The following DNAH2 variants were observed in gnomAD, a reference collection of about 807,000 sequenced individuals.
The protein encoded by DNAH2 is dynein axonemal heavy chain 2, also known as axonemal beta dynein heavy chain 2.
DNAH2 carries 323 observed loss-of-function variants against 523.5 expected under a neutral mutation model. The observed-to-expected ratio is 0.62, with a 90% CI of 0.56 to 0.68. The LOEUF is 0.68. Among genes scored for constraint, DNAH2 ranks in the 30% least tolerant of loss-of-function variants. The pLI, the probability that DNAH2 is intolerant of heterozygous loss-of-function variation, is 0.00. For missense variants in DNAH2, 4,907 were observed against 5,701.5 expected (o/e 0.86, Z 4.49); for synonymous variants, 2,093 against 2,177.4 (o/e 0.96, Z 1.08).
rs1448211323 is a variant in DNAH2 at position 7,780,834 on chromosome 17, T to C, written c.6003+52T>C. Reference sequence around the variant, plus strand: ...CTGACTTCCACTGTCACTGGACCTATGTCACTTCTCTCAAGTCTTTCAGAC... The same window carrying C: ...CTGACTTCCACTGTCACTGGACCTACGTCACTTCTCTCAAGTCTTTCAGAC... On this transcript the variant is annotated intron_variant, in intron 38 of 85. Transcript: ENST00000572933. This position sits in a 1 kb window ranked among gnomAD's most constrained non-coding sequence, Gnocchi z 4.4. The C allele has an allele frequency of 1.9e-6, 3 of 1,610,992 alleles. No homozygotes were observed. Among genetic ancestry groups the C allele is most frequent in the Non-Finnish European group, 1.7e-6 (2 of 1,178,056 alleles).
chr17:7,830,927 G>T, intron 79 of DNAH2, 85 bp downstream of exon 79: 1 of 1,562,048 alleles, frequency 6.4e-7, no homozygotes, highest in African/African-American at 1.3e-5. Flanking sequence ...AATGTTTGAG[G>T]AGAGGACGTG....
chr17:7,816,753 A>G lies in DNAH2; in HGVS notation c.9894+18A>G, dbSNP rs761907232. The G allele has an allele frequency of 6.2e-6, 10 of 1,610,988 alleles. No individual in the cohort carries two copies. The highest frequency in any genetic ancestry group is 8.5e-6 in the Non-Finnish European group (10 of 1,178,730). ...CAGTCCAGGTGAGATCAGCTGTACT[A>G]CCTGGTGTCCTTTCACTCTGCTCGC... On this transcript the variant is annotated intron_variant, in intron 64 of 85. Coordinates refer to ENST00000572933, the MANE Select transcript of DNAH2 (RefSeq NM_020877.5).
In DNAH2 at chr17:7,751,133, T is replaced by C. The variant is rs969928121; in HGVS notation, c.1905-5958T>C. 1.2e-4 allele frequency among the ~76,000 whole-genome samples: 18 copies of C among 151,872 alleles called. No individual in the cohort carries two copies. In the East Asian group the frequency reaches 3.3e-3, roughly 28 times the overall value. On this transcript the variant is annotated intron_variant, in intron 12 of 85. Coordinates refer to ENST00000572933, the MANE Select transcript of DNAH2 (RefSeq NM_020877.5). Reference sequence around the variant, plus strand: ...AAAATCAAGTTATTTATTTATTTATTTATTTATTTATTTATTCATTTTTTT... The same window carrying C: ...AAAATCAAGTTATTTATTTATTTATCTATTTATTTATTTATTCATTTTTTT...
chr17:7,809,802 C>T (rs931618041), intron 63 of DNAH2, among the ~76,000 whole-genome samples: 6 of 150,440 alleles, frequency 4.0e-5, no homozygotes, highest in South Asian at 4.2e-4. Context: ...TCCTTTTTTA[C>T]GGACAAAGCC....
chr17:7,742,769 T>G (rs1321898911), intron 11 of DNAH2, among the ~76,000 whole-genome samples, 159 bp from the exon 12 acceptor site: 1 of 152,252 alleles, frequency 6.6e-6, no homozygotes. Flanking sequence ...TGACTCTACC[T>G]TCCTTCTAAG....
intron 12 of DNAH2, among the ~76,000 whole-genome samples, chr17:7,749,066 T>C (rs1180824773): frequency 6.6e-6 from 1 of 150,890 alleles, no homozygotes; most frequent in Non-Finnish European, 1.5e-5. Flanking sequence ...CCCAGCACTT[T>C]GGGAGGCCGA....
chr17:7,831,093 G>A lies in DNAH2; in HGVS notation c.12238G>A (p.Ala4080Thr). The A allele has an allele frequency of 6.2e-7, 1 of 1,613,156 alleles. No individual in the cohort carries two copies. The highest frequency in any genetic ancestry group is 1.1e-5 in the South Asian group (1 of 91,082). ...SLSTPFHRLS[A>T]LETYFIPKDG... ...TATGCTATGACTCCCTAGGTTGTCAGCACTGGAGACTTATTTCATCCCCAA... is the reference window on the plus strand; with the variant it reads ...TATGCTATGACTCCCTAGGTTGTCAACACTGGAGACTTATTTCATCCCCAA... Residue 4080 changes from alanine (A) to threonine (T), a missense_variant, in exon 80 of 86, where the codon GCA becomes ACA. Transcript: ENST00000572933. This position sits in a 1 kb window ranked among gnomAD's most constrained non-coding sequence, Gnocchi z 4.2.
rs374790567 is a variant in DNAH2 at position 7,743,278 on chromosome 17, C to T, written c.1904+136C>T. 100 of 960,802 alleles carry T rather than the reference C, an allele frequency of 1.0e-4. No individual in the cohort carries two copies. In the East Asian group the frequency reaches 2.6e-3, roughly 25 times the overall value. 59.5% of individuals were successfully genotyped at this position (960,802 alleles called of 1,614,324 possible). Reference sequence around the variant, plus strand: ...CAATATGTTTGCTATCGTCATTTTACTTTTTTTTTTCTTCTTTTATTTTTG... The same window carrying T: ...CAATATGTTTGCTATCGTCATTTTATTTTTTTTTTTCTTCTTTTATTTTTG... On this transcript the variant is annotated intron_variant, in intron 12 of 85. Coordinates refer to ENST00000572933, the MANE Select transcript of DNAH2 (RefSeq NM_020877.5).
chr17:7,768,047 G>A lies in DNAH2; in HGVS notation c.3823G>A (p.Ala1275Thr). ...GCTGTTTCGTCGCCTCACAAAATTA[G>A]CCAAAGAGTATAAGGTGGGGAGAAA... Reference protein sequence around the residue: ...HGLFRRLTKLAKEYKDRNWEI... With the variant: ...HGLFRRLTKLTKEYKDRNWEI... The change falls in exon 23 of 86, where the codon GCC (alanine) becomes ACC (threonine). Residue 1275 changes from alanine (A) to threonine (T), a missense_variant. Ala to Thr is a moderately conservative substitution (Grantham distance 58). Transcript: ENST00000572933. 5 of 1,614,150 alleles carry A rather than the reference G, an allele frequency of 3.1e-6. No individual in the cohort carries two copies. The highest frequency in any genetic ancestry group is 4.2e-6 in the Non-Finnish European group (5 of 1,180,030).
Position 7,798,264 on chromosome 17 carries a change from G to T in DNAH2, c.8338G>T (p.Asp2780Tyr). 1.2e-6 allele frequency: 2 copies of T among 1,613,830 alleles called. No homozygotes were observed. Among genetic ancestry groups the T allele is most frequent in the Non-Finnish European group, 1.7e-6 (2 of 1,179,824 alleles). Residue 2780 changes from aspartate to tyrosine, a missense_variant, in exon 54 of 86, where the codon GAC (aspartate) becomes TAC (tyrosine). Asp to Tyr is a radical substitution (Grantham distance 160). Coordinates refer to ENST00000572933, the MANE Select transcript of DNAH2 (RefSeq NM_020877.5). This position sits in a 1 kb window ranked among gnomAD's most constrained non-coding sequence, Gnocchi z 5.5. Reference sequence around the variant, plus strand: ...GGCCCGCCTGGCTTCATCCATCTGCGACTACACCACCTTCCAGATCGAGGT... The same window carrying T: ...GGCCCGCCTGGCTTCATCCATCTGCTACTACACCACCTTCCAGATCGAGGT... ...SLARLASSIC[D>Y]YTTFQIEVTK...
rs2075775638 is a variant in DNAH2 at position 7,754,350 on chromosome 17, T to C, written c.1905-2741T>C. ...TTATACTAGAATAGGCAGCCCAGGC[T>C]TCCGGTTCTAGGTGCTTCAGGAGCC... On this transcript the variant is annotated intron_variant, in intron 12 of 85. Coordinates refer to ENST00000572933, the MANE Select transcript of DNAH2 (RefSeq NM_020877.5). The surrounding 1 kb of genome is among the most constrained non-coding windows in gnomAD (Gnocchi z 4.6). The C allele has an allele frequency of 2.2e-6, 1 of 451,516 alleles. No homozygotes were observed. The highest frequency in any genetic ancestry group is 2.0e-5 in the African/African-American group (1 of 50,608). 28.0% of individuals were successfully genotyped at this position (451,516 alleles called of 1,614,324 possible).
At position 7,775,299 on chromosome 17, in the gene DNAH2, A is replaced by G; in HGVS notation, c.4778A>G (p.Tyr1593Cys). The G allele has an allele frequency of 6.2e-7, 1 of 1,613,518 alleles. No homozygotes were observed. The highest frequency in any genetic ancestry group is 8.5e-7 in the Non-Finnish European group (1 of 1,179,772). The change falls in exon 30 of 86, where the codon TAC (tyrosine) becomes TGC (cysteine). Residue 1593 changes from tyrosine (Y) to cysteine (C), a missense_variant. This residue lies in a region of DNAH2 where 2,806 missense variants were observed against 3,190.8 expected (regional missense o/e 0.88). Transcript: ENST00000572933. ...GGGATGTTCTCGGGCGACGGCGAGT[A>G]CATTGACTTCCTCCACTCAGTATTT... ...AVGMFSGDGE[Y>C]IDFLHSVFLE...
chr17:7,740,599 G>T, intron 10 of DNAH2, 50 bp downstream of exon 10: 5 of 1,602,798 alleles, frequency 3.1e-6, no homozygotes, highest in Non-Finnish European at 4.2e-6. Flanking sequence ...GTGCTTTCCT[G>T]GAGTCCCTCC....
intron 72 of DNAH2, among the ~76,000 whole-genome samples, chr17:7,820,455 T>C (rs964498074): frequency 2.6e-5 from 4 of 152,156 alleles, no homozygotes; most frequent in Non-Finnish European, 5.9e-5. Flanking sequence ...CACCTTGCAC[T>C]GGGGGCCTGA....
chr17:7,798,524 C>T lies in DNAH2; in HGVS notation c.8399-34C>T. On this transcript the variant is annotated intron_variant, in intron 54 of 85. Transcript: ENST00000572933. The surrounding 1 kb of genome is among the most constrained non-coding windows in gnomAD (Gnocchi z 5.5). ...AATCAAGCCCAGGATGGGGAATCTG[C>T]AGTGAGTTTGTCCTCCTTCCCTCCC... is the stretch of plus-strand genomic sequence containing the variant. 2 of 1,611,096 alleles carry T rather than the reference C, an allele frequency of 1.2e-6. No individual in the cohort carries two copies. Among genetic ancestry groups the T allele is most frequent in the Non-Finnish European group, 1.7e-6 (2 of 1,178,632 alleles).
rs1454351695 is a variant in DNAH2 at position 7,759,543 on chromosome 17, C to G, written c.2570C>G (p.Thr857Ser). The G allele has an allele frequency of 3.7e-6, 6 of 1,614,206 alleles. No homozygotes were observed. In the Admixed American group the frequency reaches 1.0e-4, roughly 27 times the overall value. ...LSKAINGDGKTSPNPLFQVLV... is the reference protein window; with the variant it reads ...LSKAINGDGKSSPNPLFQVLV... ...AAGGCTATCAACGGGGATGGAAAGA[C>G]CAGCCCAAACCCACTCTTCCAAGTC... Residue 857 changes from threonine to serine, a missense_variant, in exon 16 of 86, where the codon ACC becomes AGC. Physicochemically the swap from Thr to Ser is moderately conservative, Grantham distance 58. This residue lies in a region of DNAH2 where 2,806 missense variants were observed against 3,190.8 expected (regional missense o/e 0.88). Coordinates refer to ENST00000572933, the MANE Select transcript of DNAH2 (RefSeq NM_020877.5).
chr17:7,737,239 T>C lies in DNAH2; in HGVS notation c.1151T>C (p.Leu384Pro). 1 of 1,613,946 alleles carries C rather than the reference T, an allele frequency of 6.2e-7. No individual in the cohort carries two copies. Among genetic ancestry groups the C allele is most frequent in the Non-Finnish European group, 8.5e-7 (1 of 1,179,910 alleles). The change falls in exon 8 of 86, where the codon CTG (leucine) becomes CCG (proline). Residue 384 changes from leucine (L) to proline (P), a missense_variant. Coordinates refer to ENST00000572933, the MANE Select transcript of DNAH2 (RefSeq NM_020877.5). ...CCCCACTACAACACTCGGGAGAGAC[T>C]GACCTCGCTCTTCCGAAAGGTGTGC... The part of the protein sequence containing the change: ...NSPHYNTRER[L>P]TSLFRKVCDC...
chr17:7,797,569 T>C (rs1242666962), intron 52 of DNAH2, 39 bp downstream of exon 52: 3 of 1,614,082 alleles, frequency 1.9e-6, no homozygotes, highest in Non-Finnish European at 2.5e-6. Context: ...CTTGACACTC[T>C]TAGAACATCG....
intron 2 of DNAH2, among the ~76,000 whole-genome samples, chr17:7,721,962 G>A (rs771480705): frequency 1.3e-5 from 2 of 152,100 alleles, no homozygotes; most frequent in Non-Finnish European, 2.9e-5. Flanking sequence ...AGTACTAACC[G>A]CCTTCATTCC....
Sources: allele counts gnomAD v4.1 joint callset (sites outside exome capture counted in the v4.1 genomes callset), GRCh38; gene constraint gnomAD v4.1.1; regional missense constraint gnomAD v4.1.1; non-coding constraint Gnocchi (gnomAD v3.1); transcripts MANE v1.5; gene names NCBI Gene and HGNC (gene_info 2026-07-23, HGNC 2026-07-21).